The following PCDHGA5 variants were observed in gnomAD, a reference collection of about 807,000 sequenced individuals.
The protein encoded by PCDHGA5 is protocadherin gamma subfamily A, 5.
A neutral mutation model predicts 56.7 loss-of-function variants in PCDHGA5; 36 were observed. The ratio of observed to expected loss-of-function variants is 0.64; its 90% CI spans 0.49 to 0.84. The LOEUF (loss-of-function observed/expected upper bound fraction) is 0.84. Among genes scored for constraint, PCDHGA5 ranks in the 40% least tolerant of loss-of-function variants. PCDHGA5 has a pLI of 0.00. For missense variants in PCDHGA5, 1,305 were observed against 1,201.5 expected (o/e 1.09, Z -1.27); for synonymous variants, 563 against 520.2 (o/e 1.08, Z -1.12).
chr5:141,477,080 A>C lies in PCDHGA5; in HGVS notation c.2422-17727A>C. 1 of 1,614,254 alleles carries C rather than the reference A, an allele frequency of 6.2e-7. No homozygotes were observed. ...GGACACCAAACTCCATGAGATTTAC[A>C]TCCAGGCCAAAGACAAGGGCGCCAA... On this transcript the variant is annotated intron_variant, in intron 1 of 3. Coordinates refer to ENST00000518069, the MANE Select transcript of PCDHGA5 (RefSeq NM_018918.3). This position sits in a 1 kb window ranked among gnomAD's most constrained non-coding sequence, Gnocchi z 4.9.
chr5:141,421,561 G>T (rs2096583505), intron 1 of PCDHGA5: 1 of 1,613,992 alleles, frequency 6.2e-7, no homozygotes, highest in Non-Finnish European at 8.5e-7. Context: ...ACTTCTCGTG[G>T]AAGACACCTT....
At chr5:141,498,194 T>C (rs1014641829) in intron 2 of PCDHGA5, among the ~76,000 whole-genome samples, 16 of 152,254 alleles carry the variant, frequency 1.1e-4, no homozygotes, top group African/African-American at 3.6e-4. Context: ...ATTAACCAGC[T>C]AAAGAAAAGA....
intron 1 of PCDHGA5, chr5:141,389,275 C>T (rs976237601): frequency 7.4e-6 from 12 of 1,614,004 alleles, no homozygotes; most frequent in Admixed American, 1.7e-5. Context: ...GAGAACAACC[C>T]GCCTGGAGCC....
intron 1 of PCDHGA5, chr5:141,415,449 C>G: frequency 6.2e-7 from 1 of 1,614,182 alleles, no homozygotes; most frequent in Admixed American, 1.7e-5. Context: ...AGACCTATTC[C>G]CACGAGGTCT....
At chr5:141,484,311 C>T (rs1234690996) in intron 1 of PCDHGA5, among the ~76,000 whole-genome samples, 2 of 152,196 alleles carry the variant, frequency 1.3e-5, no homozygotes, top group African/African-American at 4.8e-5. Flanking sequence ...CTCCACCCCG[C>T]TTCCATACTG....
intron 1 of PCDHGA5, chr5:141,414,180 A>T: frequency 6.2e-7 from 1 of 1,608,986 alleles, no homozygotes; most frequent in Non-Finnish European, 8.5e-7. Context: ...TTGCAACTGC[A>T]AAAGTGTTGA....
At chr5:141,403,291 A>C in intron 1 of PCDHGA5, 1 of 1,613,918 alleles carries the variant, frequency 6.2e-7, no homozygotes, top group Non-Finnish European at 8.5e-7. Flanking sequence ...TTGAAGACAG[A>C]GTGAAACTGT....
At chr5:141,421,783 A>G in intron 1 of PCDHGA5, 1 of 1,613,882 alleles carries the variant, frequency 6.2e-7, no homozygotes, top group East Asian at 2.2e-5. Flanking sequence ...ACTGCGGGGC[A>G]GAACGGATGG....
At chr5:141,474,461 CTT>C (rs1264129273) in intron 1 of PCDHGA5, among the ~76,000 whole-genome samples, 1 of 152,214 alleles carries the variant, frequency 6.6e-6, no homozygotes, top group East Asian at 1.9e-4. Context: ...GGGCTATACT[CTT>C]TATTCTAAAT....
chr5:141,395,025 T>C, intron 1 of PCDHGA5: 1 of 1,614,116 alleles, frequency 6.2e-7, no homozygotes, highest in Non-Finnish European at 8.5e-7. Flanking sequence ...CGTGCCTGCC[T>C]CACATTTTGT....
rs780105196 is a variant in PCDHGA5 at position 141,366,612 on chromosome 5, C to T, written c.2282C>T (p.Ala761Val). 1.7e-5 allele frequency: 28 copies of T among 1,614,116 alleles called. No individual in the cohort carries two copies. In the Admixed American group the frequency reaches 4.5e-4, roughly 26 times the overall value. ...TATTCCCACGAGGTCTCCCTCACCG[C>T]GGACTCGAGGAAGAGTCACCTGATC... ...QTYSHEVSLT[A>V]DSRKSHLIFP... Residue 761 changes from alanine (A) to valine (V), a missense_variant, in exon 1 of 4, where the codon GCG (alanine) becomes GTG (valine). Transcript: ENST00000518069.
intron 1 of PCDHGA5, among the ~76,000 whole-genome samples, chr5:141,461,764 C>T (rs1005862192): frequency 6.6e-6 from 1 of 152,118 alleles, no homozygotes; most frequent in East Asian, 1.9e-4. Context: ...AGCGATTCTC[C>T]TGCCTCAGCC....
At chr5:141,443,113 T>C (rs2098364390) in intron 1 of PCDHGA5, among the ~76,000 whole-genome samples, 1 of 152,040 alleles carries the variant, frequency 6.6e-6, no homozygotes, top group African/African-American at 2.4e-5. Flanking sequence ...ACCTTGCTTT[T>C]CAAACCAGAT....
At chr5:141,391,248 A>G (rs1561633877) in intron 1 of PCDHGA5, 1 of 152,120 alleles carries the variant, frequency 6.6e-6, no homozygotes, top group Non-Finnish European at 1.5e-5. Context: ...TATCTAAGCA[A>G]CTGCTTCAGT....
intron 1 of PCDHGA5, chr5:141,478,712 G>A (rs1160573848): frequency 3.2e-6 from 5 of 1,547,048 alleles, no homozygotes; most frequent in Non-Finnish European, 4.4e-6. Flanking sequence ...TTTGTGAGAT[G>A]GTGGCCTGCC....
chr5:141,382,856 G>A, intron 1 of PCDHGA5: 1 of 1,504,886 alleles, frequency 6.6e-7, no homozygotes, highest in Non-Finnish European at 8.9e-7. Context: ...GCATTCTGAA[G>A]CACTTCCCGA....
intron 1 of PCDHGA5, among the ~76,000 whole-genome samples, chr5:141,438,119 A>G (rs2097930168): frequency 6.6e-6 from 1 of 152,220 alleles, no homozygotes; most frequent in Non-Finnish European, 1.5e-5. Flanking sequence ...ATGCATTCCT[A>G]AAATATTAAT....
rs2154581798 is a variant in PCDHGA5, at chr5:141,489,799, G to T, written c.2422-5008G>T. 1 of 1,614,192 alleles carries T rather than the reference G, an allele frequency of 6.2e-7. No homozygotes were observed. The highest frequency in any genetic ancestry group is 2.2e-5 in the East Asian group (1 of 44,884). On this transcript the variant is annotated intron_variant, in intron 1 of 3. Coordinates refer to ENST00000518069, the MANE Select transcript of PCDHGA5 (RefSeq NM_018918.3). The surrounding 1 kb of genome is among the most constrained non-coding windows in gnomAD (Gnocchi z 4.5). Reference sequence around the variant, plus strand: ...CTCTCTGAATGTGAAGACCCTAAAAGATGGGAAGCCATTCCCAGAGCTGGT... The same window carrying T: ...CTCTCTGAATGTGAAGACCCTAAAATATGGGAAGCCATTCCCAGAGCTGGT...
At chr5:141,410,004 ACGCCTGGCTGTC>A in intron 1 of PCDHGA5, 1 of 1,613,154 alleles carries the variant, frequency 6.2e-7, no homozygotes, top group Non-Finnish European at 8.5e-7. Flanking sequence ...TCGGGACACA[ACGCCTGGCTGTC>A]CTACCACGTG....
Sources: gnomAD v4.1 joint callset for allele counts (sites outside exome capture counted in the v4.1 genomes callset) on GRCh38, gnomAD v4.1.1 for gene constraint, Gnocchi (gnomAD v3.1) non-coding constraint, MANE v1.5 for transcripts, NCBI Gene and HGNC (gene_info 2026-07-23, HGNC 2026-07-21) for gene names.